Variants in CCDC57 observed in about 807,000 individuals in gnomAD.
CCDC57 encodes the protein coiled-coil domain containing 57, also known as coiled-coil domain-containing protein 57.
CCDC57 carries 118 observed loss-of-function variants against 118.9 expected under a neutral mutation model. That is an observed-to-expected ratio of 0.99 (90% confidence interval 0.86 to 1.16). The LOEUF (loss-of-function observed/expected upper bound fraction) is 1.16. CCDC57 is among the 50% of genes most tolerant of loss of function. The pLI is 0.00. For synonymous variants in CCDC57, 527 were observed against 532.9 expected (o/e 0.99, Z 0.15); for missense variants, 1,300 against 1,320.7 (o/e 0.98, Z 0.24).
chr17:82,152,875 G>A (rs1051836775), intron 15 of CCDC57, among the ~76,000 whole-genome samples: 1 of 152,216 alleles, frequency 6.6e-6, no homozygotes, highest in African/African-American at 2.4e-5. Flanking sequence ...GGCATGTGCC[G>A]CAGGTTCATG....
intron 8 of CCDC57, among the ~76,000 whole-genome samples, chr17:82,186,960 C>T (rs991958254): frequency 2.0e-5 from 3 of 149,820 alleles, no homozygotes; most frequent in African/African-American, 7.4e-5. Context: ...AAAAAGAGGC[C>T]GGGGGCGGTG....
chr17:82,212,601 C>G lies in CCDC57; in HGVS notation c.-211+184G>C, dbSNP rs2050246878. On this transcript the variant is annotated intron_variant, in intron 1 of 19. Coordinates refer to ENST00000665763, the Ensembl canonical transcript of CCDC57. The surrounding 1 kb of genome is among the most constrained non-coding windows in gnomAD (Gnocchi z 4.1). ...CAACCCCCGCCCCGCCCCGCCGCAGCCTCCGCGAGGGGATCCCCGGTCCGG... is the reference window on the plus strand; with the variant it reads ...CAACCCCCGCCCCGCCCCGCCGCAGGCTCCGCGAGGGGATCCCCGGTCCGG... 6.6e-6 allele frequency among the ~76,000 whole-genome samples: 1 copy of G among 151,614 alleles called. No homozygotes were observed. The highest frequency in any genetic ancestry group is 6.6e-5 in the Admixed American group (1 of 15,254).
intron 4 of CCDC57, among the ~76,000 whole-genome samples, chr17:82,198,098 A>C (rs570439104): frequency 6.6e-6 from 1 of 152,340 alleles, no homozygotes; most frequent in East Asian, 1.9e-4. Context: ...AAAGAAAACA[A>C]GGAAACACTG....
At chr17:82,120,469 G>C (rs1568165876) in intron 19 of CCDC57, among the ~76,000 whole-genome samples, 1 of 152,236 alleles carries the variant, frequency 6.6e-6, no homozygotes, top group Non-Finnish European at 1.5e-5. Flanking sequence ...TCGGTGCACT[G>C]GAGGGCGCAG....
At chr17:82,208,494 A>T (rs1205800363) in intron 1 of CCDC57, among the ~76,000 whole-genome samples, 1 of 151,018 alleles carries the variant, frequency 6.6e-6, no homozygotes, top group Non-Finnish European at 1.5e-5. Flanking sequence ...TGACCTCGTG[A>T]TTCACCCGCC....
chr17:82,113,173 A>T, intron 19 of CCDC57: 1 of 558,934 alleles, frequency 1.8e-6, no homozygotes, highest in Non-Finnish European at 3.2e-6. Context: ...AGAAAGTTCC[A>T]AGACTGCCCT....
chr17:82,201,677 C>A (rs1207832323), exon 3 of CCDC57: 1 of 1,613,394 alleles, frequency 6.2e-7, no homozygotes, highest in Non-Finnish European at 8.5e-7. Flanking sequence ...CTCACCTCTG[C>A]CCGCCTGGCC....
rs1339284183 is a variant in CCDC57, at chr17:82,107,596, C to T, written c.2900-5730G>A. 1.7e-5 allele frequency: 8 copies of T among 470,648 alleles called. No individual in the cohort carries two copies. The East Asian group carries it at 5.5e-4, about 33-fold the overall frequency. The allele number at this position is 470,648 out of a possible 1,614,324, so 29.2% of individuals were successfully genotyped here. On this transcript the variant is annotated intron_variant, in intron 19 of 19. Coordinates refer to ENST00000665763, the Ensembl canonical transcript of CCDC57. ...GTGAGGATGGGCGGATGGAGTTGGT[C>T]TGCAGGTTCCAGAATGAATGGGGCC...
rs148660676 is a variant in CCDC57, at chr17:82,172,812, T to C, written c.1555A>G (p.Ser519Gly). 2.6e-4 allele frequency: 420 copies of C among 1,613,642 alleles called. 7 individuals are homozygous for C. The East Asian group carries it at 8.2e-3, about 31-fold the overall frequency. Residue 519 changes from serine to glycine, a missense_variant, in exon 12 of 20, where the codon AGT (serine) becomes GGT (glycine). Physicochemically the swap from Ser to Gly is moderately conservative, Grantham distance 56. Coordinates refer to ENST00000665763, the Ensembl canonical transcript of CCDC57. The surrounding 1 kb of genome is among the most constrained non-coding windows in gnomAD (Gnocchi z 5.2). ...TGCTCTCGGAGCCGCTGGATCTCAC[T>C]GGATGGAAAGTCTTTACTTATTTCT...
At chr17:82,124,004 A>C (rs941309464) in intron 19 of CCDC57, among the ~76,000 whole-genome samples, 1 of 151,586 alleles carries the variant, frequency 6.6e-6, no homozygotes, top group Non-Finnish European at 1.5e-5. Flanking sequence ...AAAAAAAAAA[A>C]AGATAATGAA....
At chr17:82,132,760 T>C (rs1405723432) in intron 17 of CCDC57, among the ~76,000 whole-genome samples, 1 of 13,380 alleles carries the variant, frequency 7.5e-5, no homozygotes, top group Admixed American at 1.3e-3. Context: ...ACAACCTTGC[T>C]TTTTTTTTTT....
intron 3 of CCDC57, among the ~76,000 whole-genome samples, chr17:82,200,211 A>G (rs984540743): frequency 1.3e-5 from 2 of 152,170 alleles, no homozygotes; most frequent in African/African-American, 4.8e-5. Context: ...TTCTGAGCAA[A>G]CCGGCCCAAC....
At chr17:82,174,392 T>C (rs1036299032) in intron 11 of CCDC57, among the ~76,000 whole-genome samples, 4 of 152,236 alleles carry the variant, frequency 2.6e-5, no homozygotes, top group African/African-American at 9.6e-5. Context: ...ACTCGCTACT[T>C]TAAATTTTGC....
intron 16 of CCDC57, among the ~76,000 whole-genome samples, chr17:82,141,541 C>G (rs1019383124): frequency 9.2e-5 from 14 of 152,282 alleles, no homozygotes; most frequent in African/African-American, 3.1e-4. Flanking sequence ...TTTACGGAAA[C>G]TTCTAAGAAA....
intron 4 of CCDC57, 32 bp downstream of exon 3, chr17:82,198,282 C>CACCCA: frequency 7.3e-7 from 1 of 1,364,372 alleles, no homozygotes; most frequent in Non-Finnish European, 1.0e-6. Context: ...GCAGGGAAAG[C>CACCCA]ACCCAGGAAG....
chr17:82,188,085 G>T, intron 8 of CCDC57, 134 bp downstream of exon 7: 5 of 586,476 alleles, frequency 8.5e-6, no homozygotes, highest in East Asian at 3.3e-5. Flanking sequence ...TAAGAAAAGT[G>T]ACTGAGAGCT....
chr17:82,188,242 C>A, exon 8 of CCDC57: 1 of 1,557,586 alleles, frequency 6.4e-7, no homozygotes. Flanking sequence ...CGTCCTTCTC[C>A]TTGGCGGTGT....
rs368694181 is a variant in CCDC57 at position 82,143,975 on chromosome 17, A to G, written c.2455+7585T>C. On this transcript the variant is annotated intron_variant, in intron 16 of 19. Coordinates refer to ENST00000665763, the Ensembl canonical transcript of CCDC57. ...AAAAAAAAAAAATTAGCTAGGCTGA[A>G]CCCGGGAGGTGGAGTTTGCACTGGG... 1.2e-3 allele frequency among the ~76,000 whole-genome samples: 176 copies of G among 151,184 alleles called. 2 individuals carry two copies. Among genetic ancestry groups the G allele is most frequent in the African/African-American group, 3.9e-3 (161 of 41,240 alleles).
chr17:82,113,151 C>T, intron 19 of CCDC57: 3 of 544,278 alleles, frequency 5.5e-6, no homozygotes, highest in African/African-American at 1.9e-5. Flanking sequence ...TCTACTTGAC[C>T]ATCTGTTTCT....
Sources: allele counts gnomAD v4.1 joint callset (sites outside exome capture counted in the v4.1 genomes callset), GRCh38; gene constraint gnomAD v4.1.1; non-coding constraint Gnocchi (gnomAD v3.1); transcripts MANE v1.5; gene names NCBI Gene and HGNC (gene_info 2026-07-23, HGNC 2026-07-21).